The following RBMS3 variants were observed in gnomAD, a reference collection of about 807,000 sequenced individuals.
RBMS3 encodes the protein RNA-binding motif, single-stranded-interacting protein 3.
RBMS3 carries 27 observed loss-of-function variants against 66.8 expected under a neutral mutation model. The observed-to-expected ratio is 0.40, with a 90% CI of 0.30 to 0.56. RBMS3 has a LOEUF of 0.56. Ranked by LOEUF, RBMS3 falls within the 20% of genes least tolerant of loss-of-function variation. RBMS3 has a pLI of 0.40. For missense variants in RBMS3, 513 were observed against 549.5 expected, an observed-to-expected ratio of 0.93 and a Z score of 0.66; for synonymous variants, 188 against 183.0, an observed-to-expected ratio of 1.03 and a Z score of -0.22.
chr3:29,593,536 T>C (rs2047836489), intron 4 of RBMS3, among the ~76,000 whole-genome samples: 1 of 152,186 alleles, frequency 6.6e-6, no homozygotes, highest in Non-Finnish European at 1.5e-5. Context: ...ATCAATACTT[T>C]ATATAGTGAT....
At position 29,463,439 on chromosome 3, in the gene RBMS3, A is replaced by G. The variant is rs1300480689; in HGVS notation, c.249-25002A>G. Among the ~76,000 whole-genome samples, 4 of 152,132 alleles carry G rather than the reference A, an allele frequency of 2.6e-5. No homozygotes were observed. In the East Asian group the frequency reaches 7.7e-4, roughly 29 times the overall value. The stretch of plus-strand genomic sequence containing the variant: ...CCAGAGCTACATGTGTGGTTTTTGA[A>G]TCATTCTTCAGAGACAAGGTATGTT... On this transcript the variant is annotated intron_variant, in intron 2 of 14. Coordinates refer to ENST00000383767, the MANE Select transcript of RBMS3 (RefSeq NM_001003793.3).
chr3:29,471,401 A>G (rs1406789826), intron 2 of RBMS3, among the ~76,000 whole-genome samples: 1 of 152,194 alleles, frequency 6.6e-6, no homozygotes, highest in African/African-American at 2.4e-5. Context: ...GTGGCATGTG[A>G]AAAGTACACA....
intron 6 of RBMS3, among the ~76,000 whole-genome samples, chr3:29,827,023 C>T (rs2058228580): frequency 2.0e-5 from 3 of 152,174 alleles, no homozygotes; most frequent in South Asian, 2.1e-4. Context: ...TTAAGAATCA[C>T]AGAATTTGGA....
At chr3:29,865,240 A>G (rs1045550982) in intron 6 of RBMS3, among the ~76,000 whole-genome samples, 25 of 152,170 alleles carry the variant, frequency 1.6e-4, no homozygotes, top group African/African-American at 5.5e-4. Context: ...GTTAAAGCCT[A>G]TGGAAATATG....
At chr3:29,816,764 A>C (rs576812363) in intron 6 of RBMS3, among the ~76,000 whole-genome samples, 2 of 152,194 alleles carry the variant, frequency 1.3e-5, no homozygotes, top group Non-Finnish European at 2.9e-5. Flanking sequence ...AGAGTACTTA[A>C]GACATGCTTG....
At chr3:29,883,992 T>C (rs534129530) in intron 7 of RBMS3, among the ~76,000 whole-genome samples, 170 bp from the exon 8 acceptor site, 1 of 152,152 alleles carries the variant, frequency 6.6e-6, no homozygotes, top group African/African-American at 2.4e-5. Context: ...TATTCTGGTT[T>C]GTGGATAGTA....
At chr3:29,449,352 A>G (rs1420883593) in intron 2 of RBMS3, among the ~76,000 whole-genome samples, 2 of 152,346 alleles carry the variant, frequency 1.3e-5, no homozygotes, top group East Asian at 3.9e-4. Context: ...AGAGCAAGAA[A>G]ATCTACTCAG....
chr3:29,582,485 C>A (rs2047368210), intron 3 of RBMS3, among the ~76,000 whole-genome samples: 1 of 152,152 alleles, frequency 6.6e-6, no homozygotes, highest in South Asian at 2.1e-4. Context: ...AGTTTTAATT[C>A]ATTTGAACCT....
intron 3 of RBMS3, among the ~76,000 whole-genome samples, chr3:29,501,023 T>C (rs1461797111): frequency 1.3e-5 from 2 of 152,226 alleles, no homozygotes; most frequent in Non-Finnish European, 1.5e-5. Context: ...GCATCTGCTA[T>C]GTTACATAAA....
intron 10 of RBMS3, among the ~76,000 whole-genome samples, chr3:29,902,632 A>G (rs919393756): frequency 1.1e-4 from 16 of 151,916 alleles, no homozygotes; most frequent in Admixed American, 8.6e-4. Context: ...GTCAAAATCT[A>G]TGTCTCAAAT....
At chr3:29,752,586 G>A (rs2055230951) in intron 5 of RBMS3, among the ~76,000 whole-genome samples, 1 of 152,116 alleles carries the variant, frequency 6.6e-6, no homozygotes, top group African/African-American at 2.4e-5. Context: ...CTTCATATAT[G>A]TTGCTAGTAA....
chr3:29,556,867 A>G (rs1470026130), intron 3 of RBMS3, among the ~76,000 whole-genome samples: 2 of 152,068 alleles, frequency 1.3e-5, no homozygotes, highest in Non-Finnish European at 2.9e-5. Flanking sequence ...AGTGGCTCAT[A>G]ATGACTGTCT....
chr3:29,566,654 A>AT (rs2046753760), intron 3 of RBMS3, among the ~76,000 whole-genome samples: 2 of 147,068 alleles, frequency 1.4e-5, no homozygotes, highest in Non-Finnish European at 3.0e-5. Flanking sequence ...AAAAAAAAAA[A>AT]TTAGGGAAAA....
At chr3:29,304,588 A>G (rs1163653203) in intron 1 of RBMS3, among the ~76,000 whole-genome samples, 1 of 151,964 alleles carries the variant, frequency 6.6e-6, no homozygotes, top group Non-Finnish European at 1.5e-5. Context: ...TTACTCGTCC[A>G]TGTATGGGAA....
At chr3:29,856,601 C>A (rs1468914983) in intron 6 of RBMS3, among the ~76,000 whole-genome samples, 4 of 152,108 alleles carry the variant, frequency 2.6e-5, no homozygotes, top group Non-Finnish European at 5.9e-5. Flanking sequence ...AGTGCTCACT[C>A]CCAGTGGAAA....
rs1444960026 is a variant in RBMS3, at chr3:29,504,563, G to A, written c.307+16064G>A. On this transcript the variant is annotated intron_variant, in intron 3 of 14. Transcript: ENST00000383767. ...TTACTACTATGAACAAGCAAGTGCAGATATCTCTTTGGCATACTGATTCTA... is the reference window on the plus strand; with the variant it reads ...TTACTACTATGAACAAGCAAGTGCAAATATCTCTTTGGCATACTGATTCTA... Among the ~76,000 whole-genome samples the A allele has an allele frequency of 2.0e-5, 3 of 150,378 alleles. No individual in the cohort carries two copies. In the South Asian group the frequency reaches 6.3e-4, roughly 32 times the overall value.
intron 3 of RBMS3, among the ~76,000 whole-genome samples, chr3:29,520,105 G>T (rs1167624292): frequency 6.6e-6 from 1 of 152,100 alleles, no homozygotes; most frequent in African/African-American, 2.4e-5. Context: ...TATTAAGAAG[G>T]TCCATTCATT....
chr3:29,873,153 G>A (rs1469151197), intron 7 of RBMS3, among the ~76,000 whole-genome samples: 4 of 152,150 alleles, frequency 2.6e-5, no homozygotes, highest in East Asian at 3.9e-4. Flanking sequence ...TAGTTTGATA[G>A]GAATAGCATT....
chr3:29,610,896 C>T (rs995584961), intron 4 of RBMS3, among the ~76,000 whole-genome samples: 22 of 152,012 alleles, frequency 1.4e-4, no homozygotes, highest in African/African-American at 4.8e-4. Flanking sequence ...TTTTCTACCA[C>T]AGATCCCTGA....
Sources: allele counts gnomAD v4.1 joint callset (sites outside exome capture counted in the v4.1 genomes callset), GRCh38; gene constraint gnomAD v4.1.1; transcripts MANE v1.5; gene names NCBI Gene and HGNC (gene_info 2026-07-23, HGNC 2026-07-21).